MAGI2: variants seen among roughly 807,000 people sequenced by gnomAD.
MAGI2 encodes the protein membrane associated guanylate kinase, WW and PDZ domain containing 2.
A neutral mutation model predicts 133.3 loss-of-function variants in MAGI2; 35 were observed. That is an observed-to-expected ratio of 0.26 (90% confidence interval 0.20 to 0.35). The LOEUF (loss-of-function observed/expected upper bound fraction) is 0.35, where lower values mean the gene tolerates loss of function less well. MAGI2 is among the 10% of genes least tolerant of loss of function. The pLI, the probability that MAGI2 is intolerant of heterozygous loss-of-function variation, is 1.00. For synonymous variants in MAGI2, 729 were observed against 710.6 expected, an observed-to-expected ratio of 1.03 and a Z score of -0.41; for missense variants, 1,636 against 1,863.4, an observed-to-expected ratio of 0.88 and a Z score of 2.25.
chr7:78,977,456 T>A (rs1804364947), intron 2 of MAGI2, among the ~76,000 whole-genome samples: 1 of 104,524 alleles, frequency 9.6e-6, no homozygotes, highest in African/African-American at 3.9e-5. Context: ...ACCTTACAAT[T>A]TACAAAGAAA....
intron 16 of MAGI2, among the ~76,000 whole-genome samples, chr7:78,145,909 C>T (rs565329367): frequency 3.9e-5 from 6 of 152,138 alleles, no homozygotes; most frequent in Admixed American, 2.0e-4. Flanking sequence ...AACTATCTCC[C>T]GAAGGCCCGT....
chr7:78,046,882 G>A (rs1811492013), intron 21 of MAGI2, among the ~76,000 whole-genome samples: 1 of 152,132 alleles, frequency 6.6e-6, no homozygotes, highest in African/African-American at 2.4e-5. Flanking sequence ...CGAATAAAAT[G>A]TTCTTCCCTA....
chr7:78,794,082 T>A (rs935536115), intron 2 of MAGI2, among the ~76,000 whole-genome samples: 6 of 152,202 alleles, frequency 3.9e-5, no homozygotes, highest in African/African-American at 1.4e-4. Flanking sequence ...TAGTCTAAAT[T>A]ATGGTGGCCT....
chr7:78,597,703 T>C (rs11970969), intron 3 of MAGI2, among the ~76,000 whole-genome samples: 45,729 of 152,060 alleles, frequency 0.3, 7,451 homozygotes, highest in African/African-American at 0.42. Context: ...GGAAATGGTC[T>C]CTTAATAGTT....
At chr7:79,182,410 C>A (rs1344707675) in intron 1 of MAGI2, among the ~76,000 whole-genome samples, 2 of 151,868 alleles carry the variant, frequency 1.3e-5, no homozygotes, top group Non-Finnish European at 2.9e-5. Context: ...TCAGATCTTG[C>A]AAGACTTATT....
chr7:78,298,909 A>G (rs1210003735), intron 9 of MAGI2, among the ~76,000 whole-genome samples: 2 of 136,900 alleles, frequency 1.5e-5, no homozygotes, highest in East Asian at 2.2e-4. Flanking sequence ...TCTGCCTCCC[A>G]GGTTCAAGCA....
At chr7:78,329,643 G>T (rs1788969255) in intron 9 of MAGI2, among the ~76,000 whole-genome samples, 1 of 152,122 alleles carries the variant, frequency 6.6e-6, no homozygotes, top group African/African-American at 2.4e-5. Context: ...ACCCTCCTCA[G>T]ACTTTTCTTT....
At chr7:79,268,238 G>C (rs1489821003) in intron 1 of MAGI2, among the ~76,000 whole-genome samples, 1 of 152,022 alleles carries the variant, frequency 6.6e-6, no homozygotes, top group African/African-American at 2.4e-5. Flanking sequence ...CCATACTTTT[G>C]GGTACTGTTA....
intron 1 of MAGI2, chr7:79,008,867 T>C (rs1807747969): frequency 6.6e-6 from 1 of 152,174 alleles, no homozygotes; most frequent in Admixed American, 6.6e-5. Context: ...TTTTTCTTCT[T>C]CTTCTTTTTT....
intron 6 of MAGI2, among the ~76,000 whole-genome samples, chr7:78,403,898 T>C (rs945202181): frequency 6.6e-6 from 1 of 152,178 alleles, no homozygotes; most frequent in Non-Finnish European, 1.5e-5. Context: ...GATGACATGA[T>C]TGTGTATTTA....
At chr7:78,645,377 T>G (rs951318688) in intron 2 of MAGI2, among the ~76,000 whole-genome samples, 2 of 152,136 alleles carry the variant, frequency 1.3e-5, no homozygotes, top group African/African-American at 4.8e-5. Flanking sequence ...CAGGATAATA[T>G]TCCTCATGAA....
At position 78,019,543 on chromosome 7, in the gene MAGI2, G is replaced by C. The variant is rs1267697341; in HGVS notation, c.4140C>G (p.Arg1380=). The C allele has an allele frequency of 1.0e-6, 1 of 980,104 alleles. No individual in the cohort carries two copies. Among genetic ancestry groups the C allele is most frequent in the Non-Finnish European group, 1.2e-6 (1 of 827,966 alleles). The allele number at this position is 980,104 out of a possible 1,614,324, so 60.7% of individuals were successfully genotyped here. A position where few individuals can be genotyped will look rare whatever the true frequency, so the allele number is the denominator to read the frequency against. The part of the protein sequence containing the change: ...RAAAGSELCR[R]EGPGAAPAFA... ...ACGCCGGCGCAGCCCCCGGGCCTTC[G>C]CGCCGGCAGAGCTCGGAGCCCGCCG... is the stretch of plus-strand genomic sequence containing the variant. Residue 1380 remains arginine, a synonymous_variant, in exon 22 of 22, where the codon CGC becomes CGG. Transcript: ENST00000354212.
chr7:79,165,294 A>G (rs969935042), intron 1 of MAGI2, among the ~76,000 whole-genome samples: 1 of 151,722 alleles, frequency 6.6e-6, no homozygotes, highest in African/African-American at 2.4e-5. Context: ...ACCGCTTTTT[A>G]TATGTGCTGT....
chr7:79,145,511 A>T lies in MAGI2; in HGVS notation c.302-138305T>A, dbSNP rs180717228. ...TTTGAGCAAGCATCTGCAAAAAAAGAGCAAATGAATTAGGGAGAGCAAACA... is the reference window on the plus strand; with the variant it reads ...TTTGAGCAAGCATCTGCAAAAAAAGTGCAAATGAATTAGGGAGAGCAAACA... On this transcript the variant is annotated intron_variant, in intron 1 of 21. Coordinates refer to ENST00000354212, the MANE Select transcript of MAGI2 (RefSeq NM_012301.4). 9.1e-4 allele frequency among the ~76,000 whole-genome samples: 138 copies of T among 152,304 alleles called. 1 individual carries two copies. Among genetic ancestry groups the T allele is most frequent in the African/African-American group, 3.2e-3 (133 of 41,576 alleles).
intron 1 of MAGI2, among the ~76,000 whole-genome samples, chr7:79,199,767 A>G (rs1828426356): frequency 6.6e-6 from 1 of 151,968 alleles, no homozygotes; most frequent in Non-Finnish European, 1.5e-5. Flanking sequence ...GCAGAAGTAG[A>G]TGTCCTTGGC....
intron 3 of MAGI2, among the ~76,000 whole-genome samples, chr7:78,542,770 G>A (rs1276610359): frequency 1.3e-5 from 2 of 152,168 alleles, no homozygotes; most frequent in Non-Finnish European, 2.9e-5. Flanking sequence ...AGATCATACA[G>A]GGCCTTGTCA....
At chr7:79,136,829 T>C (rs185267717) in intron 1 of MAGI2, among the ~76,000 whole-genome samples, 317 of 152,246 alleles carry the variant, frequency 2.1e-3, no homozygotes, top group Non-Finnish European at 3.8e-3. Context: ...TACACATATA[T>C]GTGCACAAGG....
At chr7:78,204,513 ATAATAG>A (rs1563257467) in intron 10 of MAGI2, among the ~76,000 whole-genome samples, 2 of 152,252 alleles carry the variant, frequency 1.3e-5, no homozygotes, top group Admixed American at 6.5e-5. Flanking sequence ...ATTCTTTAAA[ATAATAG>A]TAATAGTAAT....
At chr7:78,469,546 T>G (rs1790977397) in intron 6 of MAGI2, among the ~76,000 whole-genome samples, 1 of 152,202 alleles carries the variant, frequency 6.6e-6, no homozygotes, top group Non-Finnish European at 1.5e-5. Flanking sequence ...CTCTTTGGGA[T>G]TAGCCCAGGT....
Sources: gnomAD v4.1 joint callset for allele counts (sites outside exome capture counted in the v4.1 genomes callset) on GRCh38, gnomAD v4.1.1 for gene constraint, MANE v1.5 for transcripts, NCBI Gene and HGNC (gene_info 2026-07-23, HGNC 2026-07-21) for gene names.